Variants in MINK1 observed in about 807,000 individuals in gnomAD.
MINK1 encodes misshapen like kinase 1.
A neutral mutation model predicts 178.4 loss-of-function variants in MINK1; 46 were observed. That is an observed-to-expected ratio of 0.26 (90% CI 0.20 to 0.33). The LOEUF is 0.33. MINK1 is among the 10% of genes least tolerant of loss of function. The pLI is 1.00. For synonymous variants in MINK1, 797 were observed against 709.7 expected (o/e 1.12, Z -1.96); for missense variants, 1,366 against 1,814.9 (o/e 0.75, Z 4.49).
chr17:4,850,078 C>T (rs930720768), intron 1 of MINK1, among the ~76,000 whole-genome samples: 1 of 152,160 alleles, frequency 6.6e-6, no homozygotes, highest in Non-Finnish European at 1.5e-5. Context: ...CAGAGTCTTT[C>T]ACAGGTGTTG....
intron 1 of MINK1, chr17:4,860,722 G>C (rs1334780349): frequency 1.9e-6 from 1 of 520,016 alleles, no homozygotes; most frequent in African/African-American, 1.9e-5. Flanking sequence ...GCTCAAGGCT[G>C]GTGTGTGCCT....
chr17:4,863,739 T>C (rs968870993), intron 1 of MINK1, among the ~76,000 whole-genome samples: 31 of 152,104 alleles, frequency 2.0e-4, no homozygotes, highest in African/African-American at 7.5e-4. Context: ...TGCTCGGCAG[T>C]ACCAGGAACA....
intron 1 of MINK1, among the ~76,000 whole-genome samples, chr17:4,865,823 A>G (rs1408316825): frequency 6.6e-6 from 1 of 151,652 alleles, no homozygotes; most frequent in African/African-American, 2.4e-5. Context: ...TGAGTCCAGG[A>G]GTTCGAGGCT....
At chr17:4,891,194 ACGCG>A (rs749244980) in intron 15 of MINK1, 70 bp downstream of exon 15, 56 of 1,068,548 alleles carry the variant, frequency 5.2e-5, no homozygotes, top group South Asian at 2.5e-4. Flanking sequence ...GTACACACAC[ACGCG>A]CGCACACACA....
intron 1 of MINK1, among the ~76,000 whole-genome samples, chr17:4,864,268 G>A (rs984030479): frequency 1.3e-4 from 19 of 151,452 alleles, no homozygotes; most frequent in South Asian, 4.2e-4. Flanking sequence ...GCGTGGTGGC[G>A]CATGCCTGTA....
At position 4,896,637 on chromosome 17, in the gene MINK1, G is replaced by A; in HGVS notation, c.3776-37G>A. The A allele has an allele frequency of 6.2e-7, 1 of 1,609,766 alleles. No individual in the cohort carries two copies. Among genetic ancestry groups the A allele is most frequent in the Non-Finnish European group, 8.5e-7 (1 of 1,177,276 alleles). ...GCCACATGCCCCGAGGTGGCCCCGG[G>A]GTGCAGCCTGCTCAGCCCCTCACCT... On this transcript the variant is annotated intron_variant, in intron 30 of 31. Transcript: ENST00000355280. This position sits in a 1 kb window ranked among gnomAD's most constrained non-coding sequence, Gnocchi z 4.6.
Position 4,896,919 on chromosome 17 carries a change from C to CA in MINK1, c.3915+106_3915+107insA. On this transcript the variant is annotated intron_variant, in intron 31 of 31. Coordinates refer to ENST00000355280, the MANE Select transcript of MINK1 (RefSeq NM_153827.5). This position sits in a 1 kb window ranked among gnomAD's most constrained non-coding sequence, Gnocchi z 4.6. ...GATGGTGGTGGTGGCTTCCTGAAAG[C>CA]GGGCCCCTCTGGGAGCTCAGAGGGC... 1 of 1,425,620 alleles carries CA rather than the reference C, an allele frequency of 7.0e-7. No individual in the cohort carries two copies. The highest frequency in any genetic ancestry group is 9.3e-7 in the Non-Finnish European group (1 of 1,076,316). The allele number at this position is 1,425,620 out of a possible 1,614,324, so 88.3% of individuals were successfully genotyped here.
In MINK1 at chr17:4,895,723, T is replaced by C; in HGVS notation, c.3255T>C (p.Tyr1085=). The stretch of plus-strand genomic sequence containing the variant: ...GGAAAAGGAACAAACTGCGGGTGTA[T>C]TACCTGTCCTGGCTCCGGAACAAGA... ...ISGKRNKLRV[Y]YLSWLRNKIL... is the part of the protein sequence containing the mutation. Residue 1085 remains tyrosine, a synonymous_variant, in exon 27 of 32, where the codon TAT becomes TAC. Transcript: ENST00000355280. This position sits in a 1 kb window ranked among gnomAD's most constrained non-coding sequence, Gnocchi z 4.3. The C allele has an allele frequency of 6.2e-7, 1 of 1,613,584 alleles. No individual in the cohort carries two copies. Among genetic ancestry groups the C allele is most frequent in the Non-Finnish European group, 8.5e-7 (1 of 1,179,732 alleles).
intron 1 of MINK1, among the ~76,000 whole-genome samples, chr17:4,866,135 A>G (rs1364973248): frequency 2.0e-5 from 3 of 152,164 alleles, no homozygotes; most frequent in Admixed American, 6.6e-5. Flanking sequence ...TTAGGTTGGC[A>G]GCCTCATGGA....
intron 1 of MINK1, among the ~76,000 whole-genome samples, chr17:4,857,547 A>G (rs1043792721): frequency 7.0e-6 from 1 of 143,822 alleles, no homozygotes; most frequent in Non-Finnish European, 1.5e-5. Context: ...GCTCACTTCA[A>G]CCTCTGCCTC....
chr17:4,894,812 C>G lies in MINK1; in HGVS notation c.2917+179C>G. ...CCTCTGAGACCCCTCCTTCCTGTCC[C>G]ACAGGACAGGAAATGCTCAGAGTTG... is the stretch of plus-strand genomic sequence containing the variant. On this transcript the variant is annotated intron_variant, in intron 24 of 31. Transcript: ENST00000355280. The surrounding 1 kb of genome is among the most constrained non-coding windows in gnomAD (Gnocchi z 4.1). The G allele has an allele frequency of 1.6e-6, 1 of 637,724 alleles. No individual in the cohort carries two copies. Among genetic ancestry groups the G allele is most frequent in the East Asian group, 2.7e-5 (1 of 36,536 alleles). 39.5% of individuals were successfully genotyped at this position (637,724 alleles called of 1,614,324 possible). A position where few individuals can be genotyped will look rare whatever the true frequency, so the allele number is the denominator to read the frequency against.
intron 1 of MINK1, among the ~76,000 whole-genome samples, chr17:4,870,465 T>G (rs981776628): frequency 1.3e-5 from 2 of 152,102 alleles, no homozygotes; most frequent in African/African-American, 4.8e-5. Context: ...ATTAGTGATA[T>G]TGAAGGATTA....
At chr17:4,861,105 G>T (rs558140638) in intron 1 of MINK1, among the ~76,000 whole-genome samples, 3 of 152,228 alleles carry the variant, frequency 2.0e-5, no homozygotes, top group Non-Finnish European at 4.4e-5. Flanking sequence ...AATCAGCGAC[G>T]ATTTGGTGAC....
intron 1 of MINK1, among the ~76,000 whole-genome samples, chr17:4,840,402 T>C (rs1198595857): frequency 6.6e-6 from 1 of 152,154 alleles, no homozygotes; most frequent in Non-Finnish European, 1.5e-5. Context: ...AAATGGTTTA[T>C]TTGTTTGTCT....
Position 4,892,645 on chromosome 17 carries a change from C to G in MINK1, c.2199-11C>G. The G allele has an allele frequency of 6.3e-7, 1 of 1,591,180 alleles. No homozygotes were observed. The highest frequency in any genetic ancestry group is 8.6e-7 in the Non-Finnish European group (1 of 1,166,680). ...CGTGCCTCCCTGACCCTGACTCTGC[C>G]CCCCCAACAGTAACCCCGACCTCAG... On this transcript the variant is annotated splice_polypyrimidine_tract_variant and intron_variant, in intron 18 of 31. Transcript: ENST00000355280.
chr17:4,835,893 C>A (rs1220030292), intron 1 of MINK1, among the ~76,000 whole-genome samples: 1 of 152,190 alleles, frequency 6.6e-6, no homozygotes, highest in Non-Finnish European at 1.5e-5. Context: ...ACCGGGTGAC[C>A]TGCTCCCAGT....
chr17:4,885,408 G>A lies in MINK1; in HGVS notation c.509-75G>A. 1.9e-6 allele frequency: 3 copies of A among 1,575,808 alleles called. No homozygotes were observed. In the East Asian group the frequency reaches 6.7e-5, roughly 35 times the overall value. ...CACAGCTGGCTCAGGCAAGTCCTGT[G>A]TGTGCACGCAGGGATGTGAGGCAAG... On this transcript the variant is annotated intron_variant, in intron 6 of 31. Transcript: ENST00000355280. This position sits in a 1 kb window ranked among gnomAD's most constrained non-coding sequence, Gnocchi z 5.0.
Position 4,896,446 on chromosome 17 carries a change from G to A in MINK1, c.3633G>A (p.Thr1211=), listed in dbSNP as rs368125259. ...CTCCCCAGATCCAGAGCCAGATCAC[G>A]CCCCATGCCATCATCTTCCTCCCCA... is the stretch of plus-strand genomic sequence containing the variant. The part of the protein sequence containing the change: ...YIPVHIQSQI[T]PHAIIFLPNT... The change falls in exon 30 of 32, where the codon ACG becomes ACA. Residue 1211 remains threonine, a synonymous_variant. Transcript: ENST00000355280. The surrounding 1 kb of genome is among the most constrained non-coding windows in gnomAD (Gnocchi z 4.6). The A allele has an allele frequency of 3.6e-5, 58 of 1,613,718 alleles. No individual in the cohort carries two copies. Among genetic ancestry groups the A allele is most frequent in the African/African-American group, 9.4e-5 (7 of 74,866 alleles).
intron 1 of MINK1, among the ~76,000 whole-genome samples, chr17:4,845,715 C>T (rs1177262785): frequency 6.6e-6 from 1 of 151,862 alleles, no homozygotes; most frequent in Non-Finnish European, 1.5e-5. Flanking sequence ...GGCTCAACTG[C>T]AGCCTCCACC....
Sources: gnomAD v4.1 joint callset for allele counts (sites outside exome capture counted in the v4.1 genomes callset) on GRCh38, gnomAD v4.1.1 for gene constraint, Gnocchi (gnomAD v3.1) non-coding constraint, MANE v1.5 for transcripts, NCBI Gene and HGNC (gene_info 2026-07-23, HGNC 2026-07-21) for gene names.